Variants in INPP4B observed in about 807,000 individuals in gnomAD.
INPP4B encodes inositol polyphosphate-4-phosphatase type II B, also known as inositol polyphosphate 4-phosphatase type II.
In INPP4B, 55 loss-of-function variants were observed where a neutral mutation model predicts 122.5. The ratio of observed to expected loss-of-function variants is 0.45; its 90% CI spans 0.36 to 0.56. The LOEUF (loss-of-function observed/expected upper bound fraction) is 0.56, where lower values mean the gene tolerates loss of function less well. INPP4B is among the 20% of genes least tolerant of loss of function. INPP4B has a pLI of 0.00. For missense variants in INPP4B, 1,000 were observed against 1,097.7 expected (o/e 0.91, Z 1.26); for synonymous variants, 403 against 388.7 (o/e 1.04, Z -0.43).
At chr4:142,427,532 C>A in intron 5 of INPP4B, 1 of 620,190 alleles carries the variant, frequency 1.6e-6, no homozygotes, top group South Asian at 2.0e-5. Flanking sequence ...GCTTTCTAAA[C>A]AAACAGCATA....
At chr4:142,106,185 C>T (rs1302985974) in intron 23 of INPP4B, among the ~76,000 whole-genome samples, 5 of 152,146 alleles carry the variant, frequency 3.3e-5, no homozygotes, top group African/African-American at 9.7e-5. Flanking sequence ...TGGTTTTATA[C>T]AAAATTCCGT....
chr4:142,196,850 T>C (rs1180507849), intron 14 of INPP4B, among the ~76,000 whole-genome samples: 1 of 151,936 alleles, frequency 6.6e-6, no homozygotes, highest in Non-Finnish European at 1.5e-5. Flanking sequence ...ATAAGCACCA[T>C]GAAAGTGAAA....
intron 2 of INPP4B, among the ~76,000 whole-genome samples, chr4:142,628,528 A>G (rs1038775756): frequency 5.6e-5 from 8 of 142,606 alleles, no homozygotes; most frequent in Admixed American, 2.2e-4. Context: ...TGACCTGCAC[A>G]ATGTGCACAT....
intron 2 of INPP4B, among the ~76,000 whole-genome samples, chr4:142,533,587 C>T (rs560833183): frequency 1.5e-4 from 23 of 152,178 alleles, no homozygotes; most frequent in East Asian, 1.4e-3. Context: ...AATTACTCAT[C>T]ATAATTACTG....
chr4:142,352,424 A>T, intron 7 of INPP4B, among the ~76,000 whole-genome samples: 1 of 151,886 alleles, frequency 6.6e-6, no homozygotes, highest in East Asian at 1.9e-4. Flanking sequence ...AAGTACAATT[A>T]TATCTGTAGT....
Position 142,491,599 on chromosome 4 carries a change from G to A in INPP4B, c.-190-28873C>T, listed in dbSNP as rs1326472168. On this transcript the variant is annotated intron_variant, in intron 2 of 25. Coordinates refer to ENST00000262992, the MANE Select transcript of INPP4B (RefSeq NM_001101669.3). ...TTGAACCCGGGAGGTGGAGGTTGCA[G>A]TGAGCCAAGATTGTGCCATTGCACT... is the stretch of plus-strand genomic sequence containing the variant. Among the ~76,000 whole-genome samples the A allele has an allele frequency of 5.3e-5, 8 of 152,226 alleles. No homozygotes were observed. The East Asian group carries it at 1.5e-3, about 29-fold the overall frequency.
intron 15 of INPP4B, among the ~76,000 whole-genome samples, chr4:142,188,064 G>A (rs1180875135): frequency 6.6e-6 from 1 of 152,060 alleles, no homozygotes; most frequent in Non-Finnish European, 1.5e-5. Flanking sequence ...TTACAAGTAT[G>A]ATTTTAATCT....
chr4:142,758,930 G>C (rs1236939837), intron 1 of INPP4B, among the ~76,000 whole-genome samples: 1 of 145,674 alleles, frequency 6.9e-6, no homozygotes, highest in African/African-American at 2.6e-5. Flanking sequence ...TCCAGCCTGA[G>C]AGACAGAGTG....
At chr4:142,354,100 A>G (rs572284296) in intron 7 of INPP4B, among the ~76,000 whole-genome samples, 1 of 152,002 alleles carries the variant, frequency 6.6e-6, no homozygotes, top group Non-Finnish European at 1.5e-5. Flanking sequence ...GCATACAACC[A>G]GTCAGCTGCA....
intron 1 of INPP4B, among the ~76,000 whole-genome samples, chr4:142,803,925 G>A (rs892728366): frequency 3.9e-5 from 6 of 151,964 alleles, no homozygotes; most frequent in African/African-American, 9.7e-5. Context: ...TGGGCATGGC[G>A]GCATGTGCCT....
At chr4:142,558,525 G>T (rs1049954692) in intron 2 of INPP4B, among the ~76,000 whole-genome samples, 3 of 151,998 alleles carry the variant, frequency 2.0e-5, no homozygotes, top group African/African-American at 4.8e-5. Flanking sequence ...GCCTAAAAGT[G>T]AAGAAATTCT....
chr4:142,043,470 A>G (rs553504117), intron 25 of INPP4B, among the ~76,000 whole-genome samples: 1 of 152,276 alleles, frequency 6.6e-6, no homozygotes, highest in South Asian at 2.1e-4. Flanking sequence ...TTAGAGAAAC[A>G]GAATGTTGTG....
intron 1 of INPP4B, among the ~76,000 whole-genome samples, chr4:142,806,211 G>A (rs1430259611): frequency 6.8e-6 from 1 of 147,392 alleles, no homozygotes; most frequent in African/African-American, 2.6e-5. Flanking sequence ...CCCGGGAGGC[G>A]GAGCTTGCAG....
At chr4:142,328,640 T>A (rs1245916773) in intron 7 of INPP4B, among the ~76,000 whole-genome samples, 1 of 152,206 alleles carries the variant, frequency 6.6e-6, no homozygotes, top group East Asian at 1.9e-4. Context: ...GTATATTTTT[T>A]TTGGTTTTCC....
At chr4:142,130,970 A>T (rs1800968313) in intron 18 of INPP4B, among the ~76,000 whole-genome samples, 1 of 152,244 alleles carries the variant, frequency 6.6e-6, no homozygotes, top group Non-Finnish European at 1.5e-5. Flanking sequence ...CTTATTTCGT[A>T]GCACAAAATT....
At chr4:142,121,904 G>A (rs1224902246) in intron 21 of INPP4B, among the ~76,000 whole-genome samples, 4 of 151,994 alleles carry the variant, frequency 2.6e-5, no homozygotes, top group African/African-American at 9.7e-5. Flanking sequence ...GGAGAGTACT[G>A]CCATACTCAA....
chr4:142,104,436 G>A lies in INPP4B; in HGVS notation c.2374+3657C>T, dbSNP rs182427660. On this transcript the variant is annotated intron_variant, in intron 23 of 25. Coordinates refer to ENST00000262992, the MANE Select transcript of INPP4B (RefSeq NM_001101669.3). Reference sequence around the variant, plus strand: ...AACAGGAAGATTAGAGTGACAAAAAGGAGAAGCACTAATAACTGCCACACT... The same window carrying A: ...AACAGGAAGATTAGAGTGACAAAAAAGAGAAGCACTAATAACTGCCACACT... Among the ~76,000 whole-genome samples, 491 of 152,258 alleles carry A rather than the reference G, an allele frequency of 3.2e-3. 3 individuals carry two copies. The highest frequency in any genetic ancestry group is 0.011 in the African/African-American group (460 of 41,564).
At chr4:142,483,331 A>G (rs75595252) in intron 2 of INPP4B, among the ~76,000 whole-genome samples, 163 of 151,998 alleles carry the variant, frequency 1.1e-3, no homozygotes, top group African/African-American at 3.7e-3. Context: ...CTGTTCAGAC[A>G]TTGTGCTGAA....
intron 2 of INPP4B, among the ~76,000 whole-genome samples, chr4:142,480,150 A>G (rs1308776866): frequency 6.6e-6 from 1 of 152,208 alleles, no homozygotes; most frequent in African/African-American, 2.4e-5. Flanking sequence ...ATGACTGCAA[A>G]ACCTATACTT....
Sources: allele counts gnomAD v4.1 joint callset (sites outside exome capture counted in the v4.1 genomes callset), GRCh38; gene constraint gnomAD v4.1.1; transcripts MANE v1.5; gene names NCBI Gene and HGNC (gene_info 2026-07-23, HGNC 2026-07-21).